The following CYB561A3 variants were observed in gnomAD, a reference collection of about 807,000 sequenced individuals.
CYB561A3 encodes lysosomal membrane ascorbate-dependent ferrireductase CYB561A3.
In CYB561A3, 16 loss-of-function variants were observed where a neutral mutation model predicts 25.3. The ratio of observed to expected loss-of-function variants is 0.63; its 90% CI spans 0.43 to 0.96. The LOEUF (loss-of-function observed/expected upper bound fraction) is 0.96. CYB561A3 is among the 40% of genes least tolerant of loss of function. The pLI is 0.00. For synonymous variants in CYB561A3, 131 were observed against 129.9 expected, an observed-to-expected ratio of 1.01 and a Z score of -0.06; for missense variants, 219 against 307.5, an observed-to-expected ratio of 0.71 and a Z score of 2.15.
intron 3 of CYB561A3, 126 bp downstream of exon 3, chr11:61,356,404 C>CA: frequency 1.1e-6 from 1 of 878,008 alleles, no homozygotes; most frequent in South Asian, 1.8e-5. Context: ...GGCCCAGAGA[C>CA]AGCCCAACCC....
Position 61,350,731 on chromosome 11 carries a change from C to T in CYB561A3, c.705+260G>A, listed in dbSNP as rs1857362469. The T allele has an allele frequency of 1.5e-5, 9 of 599,844 alleles. No individual in the cohort carries two copies. In the East Asian group the frequency reaches 2.6e-4, roughly 17 times the overall value. 37.2% of individuals were successfully genotyped at this position (599,844 alleles called of 1,614,324 possible). ...CCTTGGGGAAGAAGATAAGGCCACA[C>T]TTCACCCCACAGAACCACAGTGATT... On this transcript the variant is annotated intron_variant, in intron 6 of 6. Coordinates refer to ENST00000294072, the MANE Select transcript of CYB561A3 (RefSeq NM_153611.6).
intron 6 of CYB561A3, 147 bp downstream of exon 6, chr11:61,350,844 T>C: frequency 8.4e-7 from 1 of 1,191,864 alleles, no homozygotes; most frequent in Non-Finnish European, 1.1e-6. Flanking sequence ...GTGCTCCCCA[T>C]CAGCCACCCT....
intron 3 of CYB561A3, among the ~76,000 whole-genome samples, chr11:61,355,497 T>C (rs1241281349): frequency 6.6e-6 from 1 of 151,252 alleles, no homozygotes; most frequent in Non-Finnish European, 1.5e-5. Flanking sequence ...CTGACCAACA[T>C]GGTGAAACCC....
chr11:61,353,379 T>C (rs1047903554), intron 4 of CYB561A3: 1 of 607,786 alleles, frequency 1.6e-6, no homozygotes, highest in Middle Eastern at 4.1e-4. Context: ...ACCACCTTGT[T>C]TGTCTCTGGT....
At chr11:61,353,483 T>C in intron 4 of CYB561A3, 3 of 659,284 alleles carry the variant, frequency 4.6e-6, no homozygotes, top group South Asian at 3.0e-5. Context: ...TTCACAGAGG[T>C]GGGAGTGGGG....
At position 61,350,127 on chromosome 11, in the gene CYB561A3, A is replaced by C. The variant is rs1857328191; in HGVS notation, c.*272T>G. On this transcript the variant is annotated 3_prime_UTR_variant, in exon 7 of 7. Coordinates refer to ENST00000294072, the MANE Select transcript of CYB561A3 (RefSeq NM_153611.6). ...CAGGCAGCAAGCAGCCAGAGAAGGC[A>C]GGCCCAGCACCCAGGCAAAGCCACC... 1.7e-6 allele frequency: 1 copy of C among 579,204 alleles called. No individual in the cohort carries two copies. The highest frequency in any genetic ancestry group is 3.0e-5 in the Admixed American group (1 of 32,818). 35.9% of individuals were successfully genotyped at this position (579,204 alleles called of 1,614,324 possible).
upstream of CYB561A3, chr11:61,362,191 C>T (rs1236956116): frequency 5.9e-5 from 9 of 152,272 alleles, no homozygotes; most frequent in Non-Finnish European, 1.2e-4. Flanking sequence ...GGGCGGGAGC[C>T]CTAAGTCAGC....
intron 1 of CYB561A3, chr11:61,359,049 C>G (rs572582903): frequency 4.1e-4 from 63 of 152,218 alleles, no homozygotes; most frequent in African/African-American, 1.5e-3. Context: ...CATGGTGAAA[C>G]CACGTCTCTA....
At chr11:61,361,611 C>T (rs1472387519) in intron 1 of CYB561A3, 122 bp downstream of exon 1, 3 of 152,044 alleles carry the variant, frequency 2.0e-5, no homozygotes, top group Non-Finnish European at 2.9e-5. Context: ...AGAAAGGTGC[C>T]CACTTTCTAA....
upstream of CYB561A3, chr11:61,362,225 G>A (rs1857934405): frequency 6.6e-6 from 1 of 152,318 alleles, no homozygotes; most frequent in African/African-American, 2.4e-5. Flanking sequence ...GGGAGGGCCC[G>A]GAGCAGGCCG....
Position 61,349,328 on chromosome 11 carries a change from T to C in CYB561A3, c.*1071A>G, listed in dbSNP as rs1160897710. 3 of 534,176 alleles carry C rather than the reference T, an allele frequency of 5.6e-6. No individual in the cohort carries two copies. The African/African-American group carries it at 5.7e-5, about 10-fold the overall frequency. 33.1% of individuals were successfully genotyped at this position (534,176 alleles called of 1,614,324 possible). On this transcript the variant is annotated 3_prime_UTR_variant, in exon 7 of 7. Transcript: ENST00000294072. ...GAACCCCTCTGAAGGTGGCAGTGGC[T>C]CCCAGGGCTGCTGCACACTGGACAC...
rs564190058 is a variant in CYB561A3 at position 61,356,197 on chromosome 11, T to C, written c.184+333A>G. On this transcript the variant is annotated intron_variant, in intron 3 of 6. Coordinates refer to ENST00000294072, the MANE Select transcript of CYB561A3 (RefSeq NM_153611.6). ...TTGGAACACGTGATCCACACTTGTGTGTATGTGTTGTCTATGGCTGCTCTC... is the reference window on the plus strand; with the variant it reads ...TTGGAACACGTGATCCACACTTGTGCGTATGTGTTGTCTATGGCTGCTCTC... 12 of 262,652 alleles carry C rather than the reference T, an allele frequency of 4.6e-5. No individual in the cohort carries two copies. The Admixed American group carries it at 6.2e-4, about 14-fold the overall frequency. 16.3% of individuals were successfully genotyped at this position (262,652 alleles called of 1,614,324 possible). A position where few individuals can be genotyped will look rare whatever the true frequency, so the allele number is the denominator to read the frequency against.
chr11:61,353,290 TC>T, intron 4 of CYB561A3, 151 bp from the exon 5 acceptor site: 1 of 1,009,442 alleles, frequency 9.9e-7, no homozygotes, highest in Non-Finnish European at 1.4e-6. Context: ...CGTGCTAGCT[TC>T]CTCATTGTGG....
intron 2 of CYB561A3, 22 bp downstream of exon 2, chr11:61,357,711 G>A (rs978742432): frequency 6.2e-6 from 1 of 160,870 alleles, no homozygotes; most frequent in African/African-American, 2.4e-5. Context: ...CCCCCACGGA[G>A]GTAAAACATT....
chr11:61,356,355 C>T, intron 3 of CYB561A3, 175 bp downstream of exon 3: 2 of 843,150 alleles, frequency 2.4e-6, no homozygotes, highest in African/African-American at 1.7e-5. Flanking sequence ...TTCTGAGATG[C>T]CCCCCATCTT....
rs1857354812 is a variant in CYB561A3, at chr11:61,350,609, T to C, written c.706-187A>G. ...CTCCCTACATCCCATCAAGACCTGC[T>C]CTGAGCACTCAGCTGGTCACCAGGC... On this transcript the variant is annotated intron_variant, in intron 6 of 6. Coordinates refer to ENST00000294072, the MANE Select transcript of CYB561A3 (RefSeq NM_153611.6). 7.2e-6 allele frequency: 5 copies of C among 689,826 alleles called. No homozygotes were observed. The South Asian group carries it at 7.7e-5, about 11-fold the overall frequency. 42.7% of individuals were successfully genotyped at this position (689,826 alleles called of 1,614,324 possible).
In CYB561A3 at chr11:61,356,737, A is replaced by G. The variant is rs1196735226; in HGVS notation, c.-15-9T>C. The G allele has an allele frequency of 1.2e-6, 2 of 1,611,388 alleles. No homozygotes were observed. The highest frequency in any genetic ancestry group is 3.3e-5 in the Admixed American group (2 of 59,788). Reference sequence around the variant, plus strand: ...ATTCTGATCACGCACTCCTAGAAGAAGGAGAAGTCACAAATCTCCACTGGC... The same window carrying G: ...ATTCTGATCACGCACTCCTAGAAGAGGGAGAAGTCACAAATCTCCACTGGC... On this transcript the variant is annotated splice_polypyrimidine_tract_variant and intron_variant, in intron 2 of 6. Transcript: ENST00000294072.
chr11:61,350,543 C>G, intron 6 of CYB561A3, 121 bp from the exon 7 acceptor site: 3 of 1,295,126 alleles, frequency 2.3e-6, no homozygotes. Context: ...CCAAATCCCT[C>G]AGGGAAGCCC....
chr11:61,353,035 CAG>C lies in CYB561A3; in HGVS notation c.496_497del (p.Leu166ValfsTer10). The C allele has an allele frequency of 6.2e-7, 1 of 1,614,142 alleles. No individual in the cohort carries two copies. Among genetic ancestry groups the C allele is most frequent in the Non-Finnish European group, 8.5e-7 (1 of 1,180,028 alleles). On this transcript the variant is annotated frameshift_variant, in exon 5 of 7. Coordinates refer to ENST00000294072, the MANE Select transcript of CYB561A3 (RefSeq NM_153611.6). LOFTEE classifies it high-confidence loss of function. ...HVFFGAAILS[L>X]SIASVISGIN... The stretch of plus-strand genomic sequence containing the variant: ...TGCCCGAAATGACGGATGCGATGGA[CAG>C]AGAGAGGATGGCGGCTCCAAAAAAG...
Sources: allele counts gnomAD v4.1 joint callset (sites outside exome capture counted in the v4.1 genomes callset), GRCh38; gene constraint gnomAD v4.1.1; transcripts MANE v1.5; gene names NCBI Gene and HGNC (gene_info 2026-07-23, HGNC 2026-07-21).